Variants in YAP1 observed in about 807,000 individuals in gnomAD.
YAP1 encodes Yes1 associated transcriptional regulator, also known as transcriptional coactivator YAP1.
In YAP1, 5 loss-of-function variants were observed where a neutral mutation model predicts 56.9. The ratio of observed to expected loss-of-function variants is 0.09; its 90% CI spans 0.05 to 0.18. The LOEUF (loss-of-function observed/expected upper bound fraction) is 0.18. Among genes scored for constraint, YAP1 ranks in the 10% least tolerant of loss-of-function variants. The pLI, the probability that YAP1 is intolerant of heterozygous loss-of-function variation, is 1.00. For missense variants in YAP1, 539 were observed against 651.8 expected, an observed-to-expected ratio of 0.83 and a Z score of 1.88; for synonymous variants, 265 against 248.1, an observed-to-expected ratio of 1.07 and a Z score of -0.64.
chr11:102,150,071 G>T (rs540253777), intron 2 of YAP1, among the ~76,000 whole-genome samples: 1 of 134,976 alleles, frequency 7.4e-6, no homozygotes, highest in South Asian at 2.3e-4. Flanking sequence ...TGCAACTTCC[G>T]TCTAGTGGAT....
At chr11:102,220,708 G>T (rs1949886178) in intron 6 of YAP1, among the ~76,000 whole-genome samples, 1 of 152,174 alleles carries the variant, frequency 6.6e-6, no homozygotes, top group African/African-American at 2.4e-5. Flanking sequence ...GTCTATGCAG[G>T]AACTGGTTAG....
intron 2 of YAP1, among the ~76,000 whole-genome samples, chr11:102,152,011 A>C (rs1249685110): frequency 2.0e-5 from 3 of 152,194 alleles, no homozygotes; most frequent in African/African-American, 4.8e-5. Flanking sequence ...CCAGGAATAA[A>C]CAGAAGAGGC....
chr11:102,175,925 C>T (rs1808616449), intron 3 of YAP1, among the ~76,000 whole-genome samples: 1 of 152,156 alleles, frequency 6.6e-6, no homozygotes, highest in African/African-American at 2.4e-5. Flanking sequence ...TTGTATATAA[C>T]TATTTCCATT....
chr11:102,196,206 T>C (rs1199332193), intron 4 of YAP1, among the ~76,000 whole-genome samples: 1 of 151,956 alleles, frequency 6.6e-6, no homozygotes, highest in Non-Finnish European at 1.5e-5. Context: ...GCTAAAGAAT[T>C]GGGAACGTAT....
chr11:102,186,125 C>T lies in YAP1; in HGVS notation c.796C>T (p.Arg266Cys). Residue 266 changes from arginine to cysteine, a missense_variant, in exon 4 of 9, where the codon CGT becomes TGT. Arg to Cys is a radical substitution (Grantham distance 180). This residue lies in a region of YAP1 where 414 missense variants were observed against 512.4 expected (regional missense o/e 0.81). Transcript: ENST00000282441. ...TTGGCTAGACCCAAGGCTTGACCCT[C>T]GTTTTGGTAAAGGTTCATCTCAAAA... ...TSWLDPRLDP[R>C]FAMNQRISQS... The T allele has an allele frequency of 1.2e-6, 2 of 1,611,226 alleles. No homozygotes were observed. Among genetic ancestry groups the T allele is most frequent in the Non-Finnish European group, 1.7e-6 (2 of 1,179,054 alleles).
intron 4 of YAP1, among the ~76,000 whole-genome samples, chr11:102,196,593 A>G (rs1282416662): frequency 1.3e-5 from 2 of 151,250 alleles, no homozygotes; most frequent in African/African-American, 4.9e-5. Context: ...GCTAATGGAT[A>G]CAGGGCTTTT....
intron 1 of YAP1, 120 bp downstream of exon 1, chr11:102,111,289 G>C: frequency 8.1e-7 from 1 of 1,239,426 alleles, no homozygotes; most frequent in East Asian, 2.7e-5. Flanking sequence ...CTCTAGCTGG[G>C]GTGGGGGTCC....
rs1330923101 is a variant in YAP1, at chr11:102,162,530, C to G, written c.647C>G (p.Thr216Ser). 2.0e-5 allele frequency: 32 copies of G among 1,614,086 alleles called. 1 individual carries two copies. In the Admixed American group the frequency reaches 3.7e-4, roughly 18 times the overall value. The change falls in exon 3 of 9, where the codon ACC (threonine) becomes AGC (serine). Residue 216 changes from threonine (T) to serine (S), a missense_variant. Transcript: ENST00000282441. ...MLSQMNVTAP[T>S]SPPVQQNMMN... The stretch of plus-strand genomic sequence containing the variant: ...TCCCAGATGAACGTCACAGCCCCCA[C>G]CAGTCCACCAGTGCAGCAGAATATG...
intron 4 of YAP1, among the ~76,000 whole-genome samples, chr11:102,200,517 G>A (rs551461718): frequency 1.7e-4 from 25 of 150,250 alleles, no homozygotes; most frequent in Non-Finnish European, 2.8e-4. Context: ...CAATCTCAGC[G>A]TGCTGCAACC....
chr11:102,199,960 A>G (rs570464330), intron 4 of YAP1, among the ~76,000 whole-genome samples: 1 of 152,364 alleles, frequency 6.6e-6, no homozygotes, highest in African/African-American at 2.4e-5. Flanking sequence ...CCTCAATGCA[A>G]CTAAATTTAA....
chr11:102,144,027 A>G (rs895202426), intron 2 of YAP1, among the ~76,000 whole-genome samples: 3 of 152,234 alleles, frequency 2.0e-5, no homozygotes. Flanking sequence ...AGATATTTGT[A>G]GAGGGCATCC....
chr11:102,127,919 G>T (rs960010894), intron 2 of YAP1, among the ~76,000 whole-genome samples: 10 of 152,200 alleles, frequency 6.6e-5, no homozygotes, highest in African/African-American at 2.2e-4. Flanking sequence ...TGTCCCACTG[G>T]ATTTCGGACT....
At chr11:102,165,190 C>T in intron 3 of YAP1, among the ~76,000 whole-genome samples, 1 of 148,464 alleles carries the variant, frequency 6.7e-6, no homozygotes, top group East Asian at 2.0e-4. Context: ...GAAACCTTGT[C>T]TCTACAAAAA....
At chr11:102,164,967 C>T (rs570265572) in intron 3 of YAP1, among the ~76,000 whole-genome samples, 4 of 152,288 alleles carry the variant, frequency 2.6e-5, no homozygotes, top group African/African-American at 7.2e-5. Flanking sequence ...GGTGATCCGC[C>T]TGTCTTCGGC....
At chr11:102,119,348 T>C (rs1438622962) in intron 2 of YAP1, among the ~76,000 whole-genome samples, 1 of 152,108 alleles carries the variant, frequency 6.6e-6, no homozygotes, top group African/African-American at 2.4e-5. Context: ...TTTTTTAGTG[T>C]GAACTAAGAA....
intron 2 of YAP1, among the ~76,000 whole-genome samples, chr11:102,159,053 C>T (rs1040539426): frequency 6.6e-6 from 1 of 152,140 alleles, no homozygotes; most frequent in East Asian, 1.9e-4. Context: ...TAATATTTTG[C>T]GGCATTTGGT....
At chr11:102,120,959 AT>A (rs533816824) in intron 2 of YAP1, among the ~76,000 whole-genome samples, 2 of 151,850 alleles carry the variant, frequency 1.3e-5, no homozygotes, top group African/African-American at 4.8e-5. Flanking sequence ...CAAGATGTGG[AT>A]TTTTTTTTCC....
intron 2 of YAP1, among the ~76,000 whole-genome samples, chr11:102,144,105 T>G (rs1228590825): frequency 6.6e-6 from 1 of 152,172 alleles, no homozygotes; most frequent in East Asian, 1.9e-4. Context: ...TCCAGACCTG[T>G]GATCAAGAGT....
At chr11:102,115,757 A>G (rs1412654523) in intron 2 of YAP1, among the ~76,000 whole-genome samples, 2 of 152,174 alleles carry the variant, frequency 1.3e-5, no homozygotes, top group Non-Finnish European at 2.9e-5. Flanking sequence ...CAGACATCCA[A>G]AGTAAATGAT....
Sources: gnomAD v4.1 joint callset for allele counts (sites outside exome capture counted in the v4.1 genomes callset) on GRCh38, gnomAD v4.1.1 for gene constraint, gnomAD v4.1.1 regional missense constraint, MANE v1.5 for transcripts, NCBI Gene and HGNC (gene_info 2026-07-23, HGNC 2026-07-21) for gene names.